Variants in CCSER1 observed in about 807,000 individuals in gnomAD.
CCSER1 encodes the protein coiled-coil serine rich protein 1.
Under a neutral mutation model 82.0 loss-of-function variants are expected in CCSER1, and 41 were observed. That is an observed-to-expected ratio of 0.50 (90% CI 0.39 to 0.65). CCSER1 has a LOEUF of 0.65. Among genes scored for constraint, CCSER1 ranks in the 30% least tolerant of loss-of-function variants. CCSER1 has a pLI of 0.00. For synonymous variants in CCSER1, 414 were observed against 383.9 expected (o/e 1.08, Z -0.92); for missense variants, 1,119 against 1,064.2 (o/e 1.05, Z -0.72).
intron 10 of CCSER1, among the ~76,000 whole-genome samples, chr4:91,269,064 T>C (rs1318938651): frequency 6.6e-6 from 1 of 152,218 alleles, no homozygotes; most frequent in Non-Finnish European, 1.5e-5. Context: ...TTGTAGTCTA[T>C]TTAAAGGCAC....
At chr4:91,592,630 AATTTAAT>A (rs1407430177) in intron 10 of CCSER1, among the ~76,000 whole-genome samples, 2 of 152,144 alleles carry the variant, frequency 1.3e-5, no homozygotes, top group Non-Finnish European at 2.9e-5. Context: ...ACTTTAACAT[AATTTAAT>A]ATTTATCTAC....
chr4:90,943,098 T>G (rs1380755202), intron 9 of CCSER1, among the ~76,000 whole-genome samples: 1 of 151,912 alleles, frequency 6.6e-6, no homozygotes, highest in African/African-American at 2.4e-5. Flanking sequence ...CCTCATGCCT[T>G]CATGCTCAGG....
At chr4:90,627,796 T>C (rs960905382) in intron 5 of CCSER1, among the ~76,000 whole-genome samples, 14 of 151,922 alleles carry the variant, frequency 9.2e-5, no homozygotes, top group Admixed American at 7.9e-4. Context: ...CTGGCTAACA[T>C]AGTGAAACCC....
chr4:91,052,113 GA>G (rs928722617), intron 9 of CCSER1, among the ~76,000 whole-genome samples: 24 of 151,878 alleles, frequency 1.6e-4, no homozygotes, highest in Admixed American at 1.5e-3. Flanking sequence ...TTTTTTGTGG[GA>G]AAAAATGCCT....
chr4:91,329,051 A>C (rs944371427), intron 10 of CCSER1, among the ~76,000 whole-genome samples: 2 of 152,220 alleles, frequency 1.3e-5, no homozygotes, highest in African/African-American at 4.8e-5. Flanking sequence ...TCAGTCAATT[A>C]AACCTCTTTC....
chr4:91,425,447 C>T (rs1560660870), intron 10 of CCSER1, among the ~76,000 whole-genome samples: 1 of 152,046 alleles, frequency 6.6e-6, no homozygotes, highest in African/African-American at 2.4e-5. Flanking sequence ...CTGTGAAAAG[C>T]ATTGTAATTG....
chr4:91,446,950 G>A (rs1755605726), intron 10 of CCSER1, among the ~76,000 whole-genome samples: 1 of 152,124 alleles, frequency 6.6e-6, no homozygotes, highest in South Asian at 2.1e-4. Flanking sequence ...AATGGAGATG[G>A]AGTGTTATAG....
chr4:91,124,301 A>G (rs566645275), intron 10 of CCSER1, among the ~76,000 whole-genome samples: 1 of 151,956 alleles, frequency 6.6e-6, no homozygotes, highest in African/African-American at 2.4e-5. Context: ...AAATAAAACA[A>G]GAGAAATTCT....
chr4:90,848,389 T>C (rs1448701724), intron 8 of CCSER1, among the ~76,000 whole-genome samples: 5 of 152,214 alleles, frequency 3.3e-5, no homozygotes, highest in African/African-American at 1.2e-4. Flanking sequence ...AAATATAGTA[T>C]TGAAAGATAT....
chr4:91,115,541 G>A (rs2148880692), intron 10 of CCSER1, among the ~76,000 whole-genome samples: 1 of 151,862 alleles, frequency 6.6e-6, no homozygotes, highest in South Asian at 2.1e-4. Flanking sequence ...TGGCCAGGCT[G>A]GTCTCCAACT....
chr4:91,000,333 G>A (rs1345112832), intron 9 of CCSER1, among the ~76,000 whole-genome samples: 1 of 152,042 alleles, frequency 6.6e-6, no homozygotes, highest in Non-Finnish European at 1.5e-5. Context: ...TAGCCTTGTA[G>A]TATAGGTTGA....
chr4:91,047,128 A>G (rs1441093295), intron 9 of CCSER1, among the ~76,000 whole-genome samples: 1 of 152,168 alleles, frequency 6.6e-6, no homozygotes, highest in African/African-American at 2.4e-5. Context: ...AAATGGGGAA[A>G]AGCAGAGGCT....
At chr4:90,365,599 G>T (rs1430584533) in intron 3 of CCSER1, among the ~76,000 whole-genome samples, 2 of 151,636 alleles carry the variant, frequency 1.3e-5, no homozygotes, top group Non-Finnish European at 3.0e-5. Context: ...AAATTAATAG[G>T]TAAACACTGG....
chr4:90,325,439 T>C (rs1294973033), intron 3 of CCSER1, among the ~76,000 whole-genome samples: 1 of 152,192 alleles, frequency 6.6e-6, no homozygotes, highest in Non-Finnish European at 1.5e-5. Flanking sequence ...ACTAAGATTG[T>C]TTATCTTTTA....
At chr4:91,270,991 A>G (rs11939419) in intron 10 of CCSER1, among the ~76,000 whole-genome samples, 2,617 of 152,306 alleles carry the variant, frequency 0.017, 93 homozygotes, top group African/African-American at 0.06. Flanking sequence ...TTAAGCTCCT[A>G]TGGTTAAGCT....
chr4:91,310,781 C>T (rs567083938), intron 10 of CCSER1, among the ~76,000 whole-genome samples: 28 of 151,932 alleles, frequency 1.8e-4, no homozygotes, highest in Admixed American at 3.9e-4. Context: ...AATCTGTGGC[C>T]CAGGACAGCT....
intron 10 of CCSER1, among the ~76,000 whole-genome samples, chr4:91,533,576 G>C (rs958557703): frequency 6.6e-6 from 1 of 152,112 alleles, no homozygotes; most frequent in African/African-American, 2.4e-5. Flanking sequence ...CAGAAGGCTG[G>C]CTATGATTAT....
At chr4:90,905,979 T>C (rs1725414224) in intron 8 of CCSER1, among the ~76,000 whole-genome samples, 1 of 152,180 alleles carries the variant, frequency 6.6e-6, no homozygotes, top group Admixed American at 6.6e-5. Flanking sequence ...CACAGTTTAA[T>C]TTGCATAATT....
intron 9 of CCSER1, among the ~76,000 whole-genome samples, chr4:90,954,486 C>T (rs1733229744): frequency 6.6e-6 from 1 of 151,930 alleles, no homozygotes; most frequent in Admixed American, 6.6e-5. Context: ...ATTAGTGAAT[C>T]ACAAGGATCT....
Sources: gnomAD v4.1 joint callset for allele counts (sites outside exome capture counted in the v4.1 genomes callset) on GRCh38, gnomAD v4.1.1 for gene constraint, MANE v1.5 for transcripts, NCBI Gene and HGNC (gene_info 2026-07-23, HGNC 2026-07-21) for gene names.